The following PLXNA4 variants were observed in gnomAD, a reference collection of about 807,000 sequenced individuals.
PLXNA4 encodes plexin-A4.
PLXNA4 carries 44 observed loss-of-function variants against 191.8 expected under a neutral mutation model. That is an observed-to-expected ratio of 0.23 (90% CI 0.18 to 0.29). The LOEUF is 0.29. Among genes scored for constraint, PLXNA4 ranks in the 10% least tolerant of loss-of-function variants. The pLI is 1.00. For synonymous variants in PLXNA4, 1,082 were observed against 1,009.5 expected (o/e 1.07, Z -1.36); for missense variants, 1,800 against 2,488.8 (o/e 0.72, Z 5.89).
At chr7:132,359,209 CTTTTTTTT>C (rs57415453) in intron 3 of PLXNA4, among the ~76,000 whole-genome samples, 2 of 110,902 alleles carry the variant, frequency 1.8e-5, no homozygotes, top group Admixed American at 2.0e-4. Context: ...GTCAAGGCTG[CTTTTTTTT>C]TTTTTTTTTT....
chr7:132,513,660 T>TCTTTGTTTTGTTTTG (rs1798825355), intron 1 of PLXNA4, among the ~76,000 whole-genome samples: 1 of 150,564 alleles, frequency 6.6e-6, no homozygotes, highest in African/African-American at 2.5e-5. Context: ...TTTGTTTTAG[T>TCTTTGTTTTGTTTTG]TTTTGTTTTG....
Position 132,521,486 on chromosome 7 carries a change from C to T in PLXNA4, c.-86-12707G>A, listed in dbSNP as rs1290830818. On this transcript the variant is annotated intron_variant, in intron 1 of 31. Transcript: ENST00000321063. ...CTTTAAGGATTTGGGTCCCAGTCTC[C>T]GAGTCATCCTGCCTTTCCCATTGGG... Among the ~76,000 whole-genome samples the T allele has an allele frequency of 3.9e-5, 6 of 152,130 alleles. No homozygotes were observed. The East Asian group carries it at 5.8e-4, about 15-fold the overall frequency.
intron 3 of PLXNA4, among the ~76,000 whole-genome samples, chr7:132,419,441 T>A (rs1794775406): frequency 6.6e-6 from 1 of 152,214 alleles, no homozygotes; most frequent in Non-Finnish European, 1.5e-5. Context: ...GCTTTCCAAC[T>A]TTTTTGATCA....
chr7:132,131,131 C>A (rs1336591477), intron 31 of PLXNA4, among the ~76,000 whole-genome samples: 1 of 152,184 alleles, frequency 6.6e-6, no homozygotes, highest in Admixed American at 6.5e-5. Context: ...AGACTACAAG[C>A]TTTCCTGGTC....
intron 14 of PLXNA4, 149 bp from the exon 15 acceptor site, chr7:132,187,756 G>A (rs991710213): frequency 7.2e-7 from 1 of 1,388,896 alleles, no homozygotes; most frequent in Non-Finnish European, 9.5e-7. Flanking sequence ...AGTTCTCTTA[G>A]GCTTGCGTGG....
At chr7:132,555,771 C>T (rs1447295984) in intron 1 of PLXNA4, among the ~76,000 whole-genome samples, 3 of 152,198 alleles carry the variant, frequency 2.0e-5, no homozygotes, top group Non-Finnish European at 4.4e-5. Context: ...CCAATCCTTA[C>T]CCAAGGATGG....
At position 132,267,924 on chromosome 7, in the gene PLXNA4, ACG is replaced by A. The variant is rs1799917398; in HGVS notation, c.1504-26760_1504-26759del. On this transcript the variant is annotated intron_variant, in intron 4 of 31. Transcript: ENST00000321063. ...AGTTAACTCCATCTGACTCTAATGC[ACG>A]CACTGCCACCCAGAACAATAAGCCA... 2.0e-5 allele frequency among the ~76,000 whole-genome samples: 3 copies of A among 152,212 alleles called. No individual in the cohort carries two copies. The South Asian group carries it at 6.2e-4, about 32-fold the overall frequency.
intron 4 of PLXNA4, among the ~76,000 whole-genome samples, chr7:132,246,523 T>C (rs1311821207): frequency 1.3e-5 from 2 of 152,202 alleles, no homozygotes; most frequent in Non-Finnish European, 2.9e-5. Flanking sequence ...AAATGGCCCC[T>C]GATTTTAGAA....
intron 16 of PLXNA4, among the ~76,000 whole-genome samples, chr7:132,184,866 C>T (rs1796825073): frequency 6.6e-6 from 1 of 152,016 alleles, no homozygotes; most frequent in South Asian, 2.1e-4. Flanking sequence ...GCTCAGAACA[C>T]AGCTTCCCCC....
At chr7:132,181,339 C>A in intron 18 of PLXNA4, 42 bp downstream of exon 18, 1 of 1,611,152 alleles carries the variant, frequency 6.2e-7, no homozygotes. Context: ...ATGCAGCAGC[C>A]CCTTCTTTTC....
intron 3 of PLXNA4, among the ~76,000 whole-genome samples, chr7:132,446,490 A>T (rs1263556989): frequency 6.6e-6 from 1 of 152,186 alleles, no homozygotes. Context: ...AACCTGGTAA[A>T]GGTTTTCAAA....
At position 132,145,001 on chromosome 7, in the gene PLXNA4, C is replaced by T; in HGVS notation, c.5225+118G>A. Reference sequence around the variant, plus strand: ...AGAATGTGCCTGCTCAGAGTCCCTGCTGATGAAAACAGGCTCTGGCCAGCC... The same window carrying T: ...AGAATGTGCCTGCTCAGAGTCCCTGTTGATGAAAACAGGCTCTGGCCAGCC... On this transcript the variant is annotated intron_variant, in intron 29 of 31. Transcript: ENST00000321063. 5 of 1,455,698 alleles carry T rather than the reference C, an allele frequency of 3.4e-6. No homozygotes were observed. The South Asian group carries it at 3.6e-5, about 11-fold the overall frequency. The allele number at this position is 1,455,698 out of a possible 1,614,324, so 90.2% of individuals were successfully genotyped here. A position where few individuals can be genotyped will look rare whatever the true frequency, so the allele number is the denominator to read the frequency against.
intron 1 of PLXNA4, among the ~76,000 whole-genome samples, chr7:132,551,564 G>T (rs1030536333): frequency 1.3e-5 from 2 of 152,216 alleles, no homozygotes; most frequent in Non-Finnish European, 2.9e-5. Flanking sequence ...GGGCCAGCCA[G>T]TCCCCATACA....
At chr7:132,206,315 T>C (rs558354226) in intron 10 of PLXNA4, among the ~76,000 whole-genome samples, 1 of 152,292 alleles carries the variant, frequency 6.6e-6, no homozygotes, top group East Asian at 1.9e-4. Flanking sequence ...TGCAAAACTA[T>C]ATTCGTGTTG....
chr7:132,302,634 C>T (rs185694214), intron 3 of PLXNA4, among the ~76,000 whole-genome samples: 51 of 151,190 alleles, frequency 3.4e-4, no homozygotes, highest in African/African-American at 1.1e-3. Context: ...CAGAAGCCAT[C>T]ATCTTGGTCA....
At chr7:132,488,858 C>T (rs764509584) in intron 3 of PLXNA4, among the ~76,000 whole-genome samples, 4 of 152,240 alleles carry the variant, frequency 2.6e-5, no homozygotes, top group Non-Finnish European at 5.9e-5. Flanking sequence ...CACTTTCCTC[C>T]ATCTGTTCCC....
At chr7:132,229,391 A>G (rs1798446174) in intron 5 of PLXNA4, among the ~76,000 whole-genome samples, 1 of 152,210 alleles carries the variant, frequency 6.6e-6, no homozygotes, top group East Asian at 1.9e-4. Flanking sequence ...AAATGCAGGC[A>G]TCACTTGAGG....
chr7:132,615,966 T>TCTCTC (rs1285560133), intron 2 of PLXNA4, among the ~76,000 whole-genome samples: 25 of 145,904 alleles, frequency 1.7e-4, no homozygotes, highest in South Asian at 4.5e-4. Context: ...TCTCTCTCTA[T>TCTCTC]TCCCCACCGC....
intron 2 of PLXNA4, among the ~76,000 whole-genome samples, chr7:132,584,646 T>G (rs2116817364): frequency 6.6e-6 from 1 of 152,336 alleles, no homozygotes; most frequent in Middle Eastern, 3.4e-3. Flanking sequence ...TTTGCATATT[T>G]TGAATATACA....
Sources: allele counts gnomAD v4.1 joint callset (sites outside exome capture counted in the v4.1 genomes callset), GRCh38; gene constraint gnomAD v4.1.1; transcripts MANE v1.5; gene names NCBI Gene and HGNC (gene_info 2026-07-23, HGNC 2026-07-21).